ZNF597: variants seen among roughly 807,000 people sequenced by gnomAD.
ZNF597 encodes zinc finger protein 597.
In ZNF597, 5 loss-of-function variants were observed where a neutral mutation model predicts 7.3. That is an observed-to-expected ratio of 0.68 (90% CI 0.36 to 1.44). The LOEUF is 1.44. Ranked by LOEUF, ZNF597 falls within the 40% of genes most tolerant of loss-of-function variation. The pLI is 0.04. For missense variants in ZNF597, 585 were observed against 517.9 expected, an observed-to-expected ratio of 1.13 and a Z score of -1.26; for synonymous variants, 209 against 185.4, an observed-to-expected ratio of 1.13 and a Z score of -1.04.
chr16:3,442,972 T>C, intron 2 of ZNF597, 149 bp downstream of exon 2: 1 of 907,334 alleles, frequency 1.1e-6, no homozygotes. Context: ...GTGTGTGGTC[T>C]TGGAACGAAG....
intron 3 of ZNF597, among the ~76,000 whole-genome samples, chr16:3,440,253 C>G (rs1000305342): frequency 7.9e-5 from 12 of 152,198 alleles, no homozygotes; most frequent in Non-Finnish European, 1.2e-4. Flanking sequence ...AAATTGTAAA[C>G]TGCAACAAAT....
At chr16:3,440,159 T>A (rs916574817) in intron 3 of ZNF597, among the ~76,000 whole-genome samples, 2 of 152,182 alleles carry the variant, frequency 1.3e-5, no homozygotes, top group African/African-American at 4.8e-5. Flanking sequence ...CTTAGGTGAG[T>A]AAGGCATAGC....
At position 3,433,261 on chromosome 16, in the gene ZNF597, A is replaced by G. The variant is rs2034271310; in HGVS notation, c.*3163T>C. ...TACATTCCACAATTTCTTAAATTAT[A>G]AAATGTAAACTGCTGACATCTGAAT... On this transcript the variant is annotated 3_prime_UTR_variant, in exon 4 of 4. Coordinates refer to ENST00000301744, the MANE Select transcript of ZNF597 (RefSeq NM_152457.3). 6.6e-6 allele frequency: 1 copy of G among 152,262 alleles called. No individual in the cohort carries two copies. The highest frequency in any genetic ancestry group is 1.5e-5 in the Non-Finnish European group (1 of 68,046). 9.4% of individuals were successfully genotyped at this position (152,262 alleles called of 1,614,324 possible).
At position 3,432,547 on chromosome 16, in the gene ZNF597, TAA is replaced by T. The variant is rs1386519752; in HGVS notation, c.*3875_*3876del. 6.6e-6 allele frequency: 1 copy of T among 152,146 alleles called. No homozygotes were observed. Among genetic ancestry groups the T allele is most frequent in the African/African-American group, 2.4e-5 (1 of 41,430 alleles). 9.4% of individuals were successfully genotyped at this position (152,146 alleles called of 1,614,324 possible). On this transcript the variant is annotated 3_prime_UTR_variant, in exon 4 of 4. Coordinates refer to ENST00000301744, the MANE Select transcript of ZNF597 (RefSeq NM_152457.3). ...AAAGAGTAAGACCCAAAACATTGAATAAACAGTATAAGTGTATACAATAAATA... is the reference window on the plus strand; with the variant it reads ...AAAGAGTAAGACCCAAAACATTGAATACAGTATAAGTGTATACAATAAATA...
Position 3,440,835 on chromosome 16 carries a change from T to C in ZNF597, c.132A>G (p.Lys44=), listed in dbSNP as rs769508666. ...TCAAAGCCGCATCCTCCAAAGACTC[T>C]TTTGTACCATCTTTGCTGAGGGACC... ...AQRSLSKDGT[K]ESLEDAALMG... Residue 44 remains lysine, a synonymous_variant, in exon 3 of 4, where the codon AAA becomes AAG. Transcript: ENST00000301744. The C allele has an allele frequency of 8.1e-6, 13 of 1,613,822 alleles. No individual in the cohort carries two copies. The highest frequency in any genetic ancestry group is 7.7e-5 in the South Asian group (7 of 91,078).
At chr16:3,440,723 A>C (rs1286242795) in intron 3 of ZNF597, 84 bp downstream of exon 3, 3 of 1,550,468 alleles carry the variant, frequency 1.9e-6, no homozygotes, top group East Asian at 4.6e-5. Flanking sequence ...GTCCCACTCC[A>C]CCATACCAAC....
At chr16:3,443,062 G>A (rs140896313) in intron 2 of ZNF597, 59 bp downstream of exon 2, 5 of 1,606,158 alleles carry the variant, frequency 3.1e-6, no homozygotes, top group Non-Finnish European at 4.3e-6. Context: ...CCAAAGGAGG[G>A]GGTCAGGCAG....
Position 3,436,654 on chromosome 16 carries a change from T to C in ZNF597, c.1045A>G (p.Thr349Ala). Residue 349 changes from threonine to alanine, a missense_variant, in exon 4 of 4, where the codon ACC becomes GCC. Physicochemically the swap from Thr to Ala is moderately conservative, Grantham distance 58 (BLOSUM62 0). Coordinates refer to ENST00000301744, the MANE Select transcript of ZNF597 (RefSeq NM_152457.3). ...ATAAGCTCAGAGAAACAAGGAAAGG[T>C]CATGTCACAGTCAGGACACTGTAAG... is the stretch of plus-strand genomic sequence containing the variant. The part of the protein sequence containing the change: ...KPLQCPDCDM[T>A]FPCFSELISH... 1 of 1,610,944 alleles carries C rather than the reference T, an allele frequency of 6.2e-7. No homozygotes were observed. The highest frequency in any genetic ancestry group is 2.2e-5 in the East Asian group (1 of 44,832).
Position 3,436,321 on chromosome 16 carries a change from G to A in ZNF597, c.*103C>T. 1.8e-6 allele frequency: 2 copies of A among 1,084,396 alleles called. No individual in the cohort carries two copies. Among genetic ancestry groups the A allele is most frequent in the South Asian group, 1.6e-5 (1 of 62,634 alleles). 67.2% of individuals were successfully genotyped at this position (1,084,396 alleles called of 1,614,324 possible). A position where few individuals can be genotyped will look rare whatever the true frequency, so the allele number is the denominator to read the frequency against. ...AGAATTAAGTATTACATGGGAATGT[G>A]TGTAAAGTGCTTAGCACATTGCCTG... On this transcript the variant is annotated 3_prime_UTR_variant, in exon 4 of 4. Coordinates refer to ENST00000301744, the MANE Select transcript of ZNF597 (RefSeq NM_152457.3).
Position 3,432,517 on chromosome 16 carries a change from G to T in ZNF597, c.*3907C>A. On this transcript the variant is annotated 3_prime_UTR_variant, in exon 4 of 4. Coordinates refer to ENST00000301744, the MANE Select transcript of ZNF597 (RefSeq NM_152457.3). ...CTAGAGTGAAGACTGATGAGAATACGTCAAAAAGAGTAAGACCCAAAACAT... is the reference window on the plus strand; with the variant it reads ...CTAGAGTGAAGACTGATGAGAATACTTCAAAAAGAGTAAGACCCAAAACAT... 6.6e-6 allele frequency: 1 copy of T among 152,094 alleles called. No individual in the cohort carries two copies. The highest frequency in any genetic ancestry group is 1.9e-4 in the East Asian group (1 of 5,196). The allele number at this position is 152,094 out of a possible 1,614,324, so 9.4% of individuals were successfully genotyped here. A position where few individuals can be genotyped will look rare whatever the true frequency, so the allele number is the denominator to read the frequency against.
rs949846913 is a variant in ZNF597, at chr16:3,433,691, C to T, written c.*2733G>A. 1 of 152,218 alleles carries T rather than the reference C, an allele frequency of 6.6e-6. No homozygotes were observed. Among genetic ancestry groups the T allele is most frequent in the South Asian group, 2.1e-4 (1 of 4,830 alleles). The allele number at this position is 152,218 out of a possible 1,614,324, so 9.4% of individuals were successfully genotyped here. On this transcript the variant is annotated 3_prime_UTR_variant, in exon 4 of 4. Coordinates refer to ENST00000301744, the MANE Select transcript of ZNF597 (RefSeq NM_152457.3). The stretch of plus-strand genomic sequence containing the variant: ...TCATAAAAAGCCTGAAGCTCACCAG[C>T]AGATATATCTTTTCCTTCAATTCCC...
rs1356086795 is a variant in ZNF597, at chr16:3,437,508, T to A, written c.191A>T (p.Gln64Leu). The A allele has an allele frequency of 6.2e-7, 1 of 1,603,702 alleles. No individual in the cohort carries two copies. The highest frequency in any genetic ancestry group is 8.5e-7 in the Non-Finnish European group (1 of 1,176,368). The change falls in exon 4 of 4, where the codon CAG becomes CTG. Residue 64 changes from glutamine to leucine, a missense_variant. Physicochemically the swap from Gln to Leu is moderately radical, Grantham distance 113. Coordinates refer to ENST00000301744, the MANE Select transcript of ZNF597 (RefSeq NM_152457.3). ...AAGTTCCATAGACTCTAGGCTTAACTGCTGATTAATCTCAGGCTTGCCTTC... is the reference window on the plus strand; with the variant it reads ...AAGTTCCATAGACTCTAGGCTTAACAGCTGATTAATCTCAGGCTTGCCTTC... ...GEEGKPEINQ[Q>L]LSLESMELDE...
At position 3,437,280 on chromosome 16, in the gene ZNF597, G is replaced by T; in HGVS notation, c.419C>A (p.Thr140Lys). The change falls in exon 4 of 4, where the codon ACA becomes AAA. Residue 140 changes from threonine (T) to lysine (K), a missense_variant. Physicochemically the swap from Thr to Lys is moderately conservative, Grantham distance 78. Coordinates refer to ENST00000301744, the MANE Select transcript of ZNF597 (RefSeq NM_152457.3). ...GGGAGAATCAAGAATTTCAGAAAGT[G>T]TGTTGGTTCCTAAATATTCAGAGAG... ...VELSEYLGTN[T>K]LSEILDSPWE... The T allele has an allele frequency of 6.2e-7, 1 of 1,614,220 alleles. No individual in the cohort carries two copies. The highest frequency in any genetic ancestry group is 8.5e-7 in the Non-Finnish European group (1 of 1,180,048).
Position 3,433,055 on chromosome 16 carries a change from T to C in ZNF597, c.*3369A>G, listed in dbSNP as rs559914197. 5.9e-5 allele frequency: 9 copies of C among 152,312 alleles called. No individual in the cohort carries two copies. Among genetic ancestry groups the C allele is most frequent in the Non-Finnish European group, 1.3e-4 (9 of 68,026 alleles). The allele number at this position is 152,312 out of a possible 1,614,324, so 9.4% of individuals were successfully genotyped here. ...ACTAGAACATTGCCACTTAATTATATGGAAACTCAGGAGGCAAAGACTCAA... is the reference window on the plus strand; with the variant it reads ...ACTAGAACATTGCCACTTAATTATACGGAAACTCAGGAGGCAAAGACTCAA... On this transcript the variant is annotated 3_prime_UTR_variant, in exon 4 of 4. Transcript: ENST00000301744.
chr16:3,440,360 G>T (rs983232520), intron 3 of ZNF597, among the ~76,000 whole-genome samples: 6 of 152,222 alleles, frequency 3.9e-5, no homozygotes, highest in Non-Finnish European at 2.9e-5. Context: ...TCTCGGCCGG[G>T]CTCAGTGGCT....
chr16:3,440,691 C>A (rs1004751465), intron 3 of ZNF597, 116 bp downstream of exon 3: 4 of 1,324,938 alleles, frequency 3.0e-6, no homozygotes, highest in East Asian at 2.4e-5. Flanking sequence ...TTATCACCTC[C>A]ACATAAATTA....
In ZNF597 at chr16:3,436,939, C is replaced by T. The variant is rs748911016; in HGVS notation, c.760G>A (p.Gly254Arg). ...TGGCTTTTCTGATGCTGTGCCAATCCTGGGAGCCACATAAAACCTCTACCA... is the reference window on the plus strand; with the variant it reads ...TGGCTTTTCTGATGCTGTGCCAATCTTGGGAGCCACATAAAACCTCTACCA... ...ICGRGFMWLP[G>R]LAQHQKSHSA... Residue 254 changes from glycine to arginine, a missense_variant, in exon 4 of 4, where the codon GGA (glycine) becomes AGA (arginine). Gly to Arg is a moderately radical substitution (Grantham distance 125). Transcript: ENST00000301744. 2 of 1,614,006 alleles carry T rather than the reference C, an allele frequency of 1.2e-6. No homozygotes were observed. Among genetic ancestry groups the T allele is most frequent in the South Asian group, 1.1e-5 (1 of 91,068 alleles).
At position 3,435,108 on chromosome 16, in the gene ZNF597, A is replaced by G. The variant is rs2034287295; in HGVS notation, c.*1316T>C. On this transcript the variant is annotated 3_prime_UTR_variant, in exon 4 of 4. Transcript: ENST00000301744. ...TTTTCTATATGCATTTTCTTTGGAG[A>G]TGGAGAGGAAATGTTATGGGTGTTT... The G allele has an allele frequency of 6.6e-6, 1 of 152,116 alleles. No homozygotes were observed. Among genetic ancestry groups the G allele is most frequent in the Non-Finnish European group, 1.5e-5 (1 of 68,030 alleles). The allele number at this position is 152,116 out of a possible 1,614,324, so 9.4% of individuals were successfully genotyped here. A position where few individuals can be genotyped will look rare whatever the true frequency, so the allele number is the denominator to read the frequency against.
chr16:3,432,426 T>C lies in ZNF597; in HGVS notation c.*3998A>G, dbSNP rs1053625764. 3.3e-5 allele frequency: 5 copies of C among 152,198 alleles called. No homozygotes were observed. Among genetic ancestry groups the C allele is most frequent in the Admixed American group, 1.3e-4 (2 of 15,270 alleles). The allele number at this position is 152,198 out of a possible 1,614,324, so 9.4% of individuals were successfully genotyped here. On this transcript the variant is annotated 3_prime_UTR_variant, in exon 4 of 4. Coordinates refer to ENST00000301744, the MANE Select transcript of ZNF597 (RefSeq NM_152457.3). The stretch of plus-strand genomic sequence containing the variant: ...AAAGTTCACTTCATTGCCATCATCA[T>C]AAAATAGCATTTAATAGAAGCCAAA...
Sources: allele counts gnomAD v4.1 joint callset (sites outside exome capture counted in the v4.1 genomes callset), GRCh38; gene constraint gnomAD v4.1.1; transcripts MANE v1.5; gene names NCBI Gene and HGNC (gene_info 2026-07-23, HGNC 2026-07-21).